The following CHODL variants were observed in gnomAD, a reference collection of about 807,000 sequenced individuals.
CHODL encodes chondrolectin.
Under a neutral mutation model 34.5 loss-of-function variants are expected in CHODL, and 29 were observed. The observed-to-expected ratio is 0.84, with a 90% CI of 0.63 to 1.15. The LOEUF is 1.15. Ranked by LOEUF, CHODL falls within the 50% of genes most tolerant of loss-of-function variation. CHODL has a pLI of 0.00. For synonymous variants in CHODL, 125 were observed against 116.1 expected (o/e 1.08, Z -0.49); for missense variants, 332 against 332.5 (o/e 1.00, Z 0.01).
intron 1 of CHODL, among the ~76,000 whole-genome samples, chr21:17,958,230 C>T (rs1433622074): frequency 1.3e-5 from 2 of 152,054 alleles, no homozygotes; most frequent in Non-Finnish European, 2.9e-5. Flanking sequence ...GGAAATGATC[C>T]CAGTGCCTTT....
intron 2 of CHODL, among the ~76,000 whole-genome samples, chr21:18,078,789 T>G (rs2064898115): frequency 6.6e-6 from 1 of 152,194 alleles, no homozygotes; most frequent in African/African-American, 2.4e-5. Flanking sequence ...TTATGGATGT[T>G]GTCTCATTTA....
chr21:18,245,373 T>TC, intron 1 of CHODL, 71 bp downstream of exon 1: 1 of 1,326,828 alleles, frequency 7.5e-7, no homozygotes, highest in Non-Finnish European at 1.0e-6. Flanking sequence ...GGCAGCCTGT[T>TC]CTCGGGCGGA....
At chr21:18,068,189 ATTTTTCTT>A (rs1368009961) in intron 2 of CHODL, among the ~76,000 whole-genome samples, 3 of 149,860 alleles carry the variant, frequency 2.0e-5, no homozygotes, top group Non-Finnish European at 4.5e-5. Context: ...TTCTTTATTC[ATTTTTCTT>A]TTTTTCTTTT....
chr21:17,952,181 C>T (rs1184792714), intron 1 of CHODL, among the ~76,000 whole-genome samples: 2 of 89,660 alleles, frequency 2.2e-5, no homozygotes, highest in African/African-American at 4.6e-5. Context: ...TTGTGCAGAG[C>T]AATACTATGT....
At chr21:17,972,919 A>G (rs1369852532) in intron 1 of CHODL, among the ~76,000 whole-genome samples, 2 of 152,202 alleles carry the variant, frequency 1.3e-5, no homozygotes, top group African/African-American at 2.4e-5. Flanking sequence ...AACCAAAACA[A>G]CATGATACTG....
chr21:18,173,903 T>C (rs1173142625), intron 2 of CHODL, among the ~76,000 whole-genome samples: 1 of 151,472 alleles, frequency 6.6e-6, no homozygotes, highest in African/African-American at 2.4e-5. Flanking sequence ...AAAATTATAA[T>C]GTACATGTTT....
intron 1 of CHODL, among the ~76,000 whole-genome samples, chr21:17,983,245 T>C (rs1954420221): frequency 1.3e-5 from 2 of 152,336 alleles, no homozygotes; most frequent in South Asian, 4.1e-4. Flanking sequence ...TTTGCAATAA[T>C]CCACTGTGTG....
At chr21:17,927,829 A>C (rs140609420) in intron 1 of CHODL, among the ~76,000 whole-genome samples, 2 of 152,350 alleles carry the variant, frequency 1.3e-5, no homozygotes, top group Admixed American at 6.5e-5. Context: ...CTTCCAATAA[A>C]TAGTTGTTAA....
intron 2 of CHODL, among the ~76,000 whole-genome samples, chr21:18,131,826 C>T (rs1001333240): frequency 3.3e-5 from 5 of 152,040 alleles, no homozygotes; most frequent in Admixed American, 6.6e-5. Flanking sequence ...TTTTCCTGCT[C>T]TTCTTTTTTT....
intron 2 of CHODL, among the ~76,000 whole-genome samples, chr21:18,126,880 A>AGAT (rs2065552291): frequency 6.6e-6 from 1 of 152,258 alleles, no homozygotes; most frequent in Non-Finnish European, 1.5e-5. Context: ...AAATGACAAT[A>AGAT]GATTAAGGAA....
intron 1 of CHODL, among the ~76,000 whole-genome samples, chr21:17,985,817 TG>T (rs1405715817): frequency 6.6e-6 from 1 of 152,200 alleles, no homozygotes; most frequent in Non-Finnish European, 1.5e-5. Context: ...GACCTTATTC[TG>T]GGTAGCTTAA....
chr21:17,986,130 T>C (rs539665275), intron 1 of CHODL, among the ~76,000 whole-genome samples: 1 of 152,268 alleles, frequency 6.6e-6, no homozygotes, highest in South Asian at 2.1e-4. Context: ...TAGTACTTAA[T>C]TTTTTTATTT....
intron 1 of CHODL, among the ~76,000 whole-genome samples, chr21:17,997,379 T>A (rs952453272): frequency 6.6e-6 from 1 of 152,206 alleles, no homozygotes; most frequent in Non-Finnish European, 1.5e-5. Flanking sequence ...TCCAGGGACT[T>A]GCCAAAGATG....
intron 2 of CHODL, among the ~76,000 whole-genome samples, chr21:18,196,670 A>G (rs2146701719): frequency 1.3e-5 from 2 of 152,340 alleles, no homozygotes; most frequent in Non-Finnish European, 2.9e-5. Context: ...TGAAAAAGCA[A>G]TGTTCTTCTG....
intron 2 of CHODL, among the ~76,000 whole-genome samples, chr21:18,217,088 T>C (rs2073837187): frequency 6.6e-6 from 1 of 152,222 alleles, no homozygotes; most frequent in Non-Finnish European, 1.5e-5. Context: ...TCTTGGCTTT[T>C]GTTAACAGTG....
intron 2 of CHODL, among the ~76,000 whole-genome samples, chr21:18,238,090 A>T (rs1310813409): frequency 6.6e-6 from 1 of 152,092 alleles, no homozygotes; most frequent in Non-Finnish European, 1.5e-5. Context: ...CAGTATCTTC[A>T]CTTCCTTTAT....
At chr21:18,144,440 G>C (rs1276579810) in intron 2 of CHODL, among the ~76,000 whole-genome samples, 1 of 151,904 alleles carries the variant, frequency 6.6e-6, no homozygotes, top group Non-Finnish European at 1.5e-5. Context: ...TAACCTTAAG[G>C]CCTCATTTAC....
chr21:18,098,362 GA>G (rs905191060), intron 2 of CHODL, among the ~76,000 whole-genome samples: 63 of 148,900 alleles, frequency 4.2e-4, no homozygotes, highest in East Asian at 1.4e-3. Context: ...AACTCTATAG[GA>G]AAAAAAAATA....
intron 2 of CHODL, among the ~76,000 whole-genome samples, chr21:18,078,158 C>T (rs548439839): frequency 6.6e-6 from 1 of 152,186 alleles, no homozygotes; most frequent in East Asian, 1.9e-4. Context: ...TAAAGACATA[C>T]CCAAGACTGG....
Sources: gnomAD v4.1 joint callset for allele counts (sites outside exome capture counted in the v4.1 genomes callset) on GRCh38, gnomAD v4.1.1 for gene constraint, MANE v1.5 for transcripts, NCBI Gene and HGNC (gene_info 2026-07-23, HGNC 2026-07-21) for gene names.